Variants in CYP39A1 observed in about 807,000 individuals in gnomAD.
CYP39A1 encodes cytochrome P450 family 39 subfamily A member 1.
In CYP39A1, 49 loss-of-function variants were observed where a neutral mutation model predicts 58.1. The observed-to-expected ratio is 0.84, with a 90% CI of 0.67 to 1.07. CYP39A1 has a LOEUF of 1.07. Ranked by LOEUF, CYP39A1 falls within the 50% of genes least tolerant of loss-of-function variation. CYP39A1 has a pLI of 0.00. For synonymous variants in CYP39A1, 209 were observed against 187.6 expected, an observed-to-expected ratio of 1.11 and a Z score of -0.93; for missense variants, 531 against 539.4, an observed-to-expected ratio of 0.98 and a Z score of 0.16.
chr6:46,552,481 CACTT>C (rs1164976839), intron 11 of CYP39A1, among the ~76,000 whole-genome samples: 14 of 152,282 alleles, frequency 9.2e-5, no homozygotes, highest in South Asian at 4.1e-4. Flanking sequence ...CTTTCTGTGT[CACTT>C]ACGCACTTAC....
chr6:46,622,055 C>T (rs1271904367), intron 7 of CYP39A1, among the ~76,000 whole-genome samples: 5 of 151,906 alleles, frequency 3.3e-5, no homozygotes, highest in Admixed American at 1.3e-4. Flanking sequence ...GTACACTAGA[C>T]GAAAGGAGCC....
chr6:46,631,635 C>T (rs1337299132), intron 5 of CYP39A1, among the ~76,000 whole-genome samples: 2 of 152,052 alleles, frequency 1.3e-5, no homozygotes. Flanking sequence ...AAAACTACAC[C>T]CCCATCCACC....
intron 10 of CYP39A1, among the ~76,000 whole-genome samples, chr6:46,560,698 G>C (rs779183613): frequency 6.6e-6 from 1 of 152,088 alleles, no homozygotes; most frequent in African/African-American, 2.4e-5. Context: ...ATAAATATAA[G>C]AGTCATCATT....
chr6:46,576,825 T>C (rs184438460), intron 10 of CYP39A1, among the ~76,000 whole-genome samples: 16 of 152,282 alleles, frequency 1.1e-4, no homozygotes, highest in Non-Finnish European at 2.4e-4. Context: ...GAACAAAGTC[T>C]TTTAGAAATA....
chr6:46,618,206 C>T lies in CYP39A1; in HGVS notation c.931+7212G>A, dbSNP rs189558173. ...CTATCTAATTTACATGTGTTATATC[C>T]TTCTAATAACTTCACGAGATGAGGA... is the stretch of plus-strand genomic sequence containing the variant. On this transcript the variant is annotated intron_variant, in intron 7 of 11. Transcript: ENST00000275016. 1.4e-4 allele frequency among the ~76,000 whole-genome samples: 21 copies of T among 152,146 alleles called. 1 individual carries two copies. Among genetic ancestry groups the T allele is most frequent in the Admixed American group, 1.0e-3 (16 of 15,270 alleles).
At chr6:46,646,535 C>T (rs142255153) in intron 1 of CYP39A1, among the ~76,000 whole-genome samples, 11 of 151,756 alleles carry the variant, frequency 7.2e-5, no homozygotes, top group Middle Eastern at 3.4e-3. Context: ...AGTTTTTTTC[C>T]GTACTATCTG....
intron 10 of CYP39A1, among the ~76,000 whole-genome samples, chr6:46,554,178 A>G (rs540252167): frequency 1.3e-5 from 2 of 152,328 alleles, no homozygotes; most frequent in South Asian, 4.1e-4. Context: ...GGCTATTTCA[A>G]TTTAAATACA....
intron 8 of CYP39A1, among the ~76,000 whole-genome samples, chr6:46,590,541 GA>G (rs1183739298): frequency 3.3e-5 from 5 of 151,196 alleles, no homozygotes. Context: ...TGTTTGTGCC[GA>G]AAAAAAATAA....
intron 7 of CYP39A1, among the ~76,000 whole-genome samples, chr6:46,614,677 T>C (rs1322995795): frequency 6.6e-6 from 1 of 152,146 alleles, no homozygotes; most frequent in Non-Finnish European, 1.5e-5. Flanking sequence ...CATTACACTT[T>C]CTATATTTTA....
chr6:46,646,131 C>A (rs535545745), intron 1 of CYP39A1, among the ~76,000 whole-genome samples: 1 of 152,096 alleles, frequency 6.6e-6, no homozygotes, highest in African/African-American at 2.4e-5. Context: ...CTTTATTGCA[C>A]AGGCTAAAAT....
At chr6:46,649,352 A>G (rs1473507335) in intron 1 of CYP39A1, among the ~76,000 whole-genome samples, 1 of 152,234 alleles carries the variant, frequency 6.6e-6, no homozygotes, top group African/African-American at 2.4e-5. Context: ...GTAACATCAG[A>G]TCACTTGTGC....
At chr6:46,614,834 T>C (rs1232688830) in intron 7 of CYP39A1, among the ~76,000 whole-genome samples, 1 of 152,182 alleles carries the variant, frequency 6.6e-6, no homozygotes, top group Non-Finnish European at 1.5e-5. Context: ...TAGCCAGGAA[T>C]CTTGCTCCAA....
chr6:46,643,073 CCT>C (rs1741127631), intron 1 of CYP39A1, among the ~76,000 whole-genome samples: 2 of 152,114 alleles, frequency 1.3e-5, no homozygotes, highest in Admixed American at 6.6e-5. Context: ...TTAATTTTCC[CCT>C]CTTTATCAGA....
chr6:46,550,268 G>A lies in CYP39A1; in HGVS notation c.*98C>T. On this transcript the variant is annotated 3_prime_UTR_variant, in exon 12 of 12. Transcript: ENST00000275016. Reference sequence around the variant, plus strand: ...CTTGAACTAAGTCCTAAAACAAAGTGAAGCAGTGTGTTTTTGTAGAGCTCA... The same window carrying A: ...CTTGAACTAAGTCCTAAAACAAAGTAAAGCAGTGTGTTTTTGTAGAGCTCA... 1.1e-6 allele frequency: 1 copy of A among 894,976 alleles called. No individual in the cohort carries two copies. Among genetic ancestry groups the A allele is most frequent in the Non-Finnish European group, 1.7e-6 (1 of 574,172 alleles). The allele number at this position is 894,976 out of a possible 1,614,324, so 55.4% of individuals were successfully genotyped here. A position where few individuals can be genotyped will look rare whatever the true frequency, so the allele number is the denominator to read the frequency against.
intron 7 of CYP39A1, among the ~76,000 whole-genome samples, chr6:46,609,198 G>C (rs1270771951): frequency 6.6e-6 from 1 of 151,696 alleles, no homozygotes; most frequent in African/African-American, 2.4e-5. Flanking sequence ...TCAGAAGATC[G>C]AGACCATCCT....
chr6:46,625,987 A>G (rs1775287156), intron 6 of CYP39A1, among the ~76,000 whole-genome samples: 1 of 152,136 alleles, frequency 6.6e-6, no homozygotes, highest in South Asian at 2.1e-4. Flanking sequence ...AGCCCAGGAA[A>G]ATGCAGCAGG....
intron 7 of CYP39A1, among the ~76,000 whole-genome samples, chr6:46,619,534 AG>A (rs913048596): frequency 6.6e-6 from 1 of 152,048 alleles, no homozygotes; most frequent in Admixed American, 6.6e-5. Context: ...CCAAGGGCAG[AG>A]TTGGGGAAAG....
intron 8 of CYP39A1, among the ~76,000 whole-genome samples, chr6:46,592,680 G>C (rs944811393): frequency 6.6e-6 from 1 of 152,150 alleles, no homozygotes; most frequent in Non-Finnish European, 1.5e-5. Context: ...TTTCAGCTGA[G>C]CGTGGTCGTT....
At chr6:46,642,073 G>A (rs893212017) in intron 2 of CYP39A1, 90 bp downstream of exon 2, 2 of 1,312,886 alleles carry the variant, frequency 1.5e-6, no homozygotes, top group African/African-American at 2.9e-5. Flanking sequence ...CATCATTCTT[G>A]ATAGAGGAAT....
Sources: gnomAD v4.1 joint callset for allele counts (sites outside exome capture counted in the v4.1 genomes callset) on GRCh38, gnomAD v4.1.1 for gene constraint, MANE v1.5 for transcripts, NCBI Gene and HGNC (gene_info 2026-07-23, HGNC 2026-07-21) for gene names.